Variants in GDPD4 observed in about 807,000 individuals in gnomAD.
GDPD4 encodes the protein glycerophosphodiester phosphodiesterase 6.
GDPD4 carries 60 observed loss-of-function variants against 67.8 expected under a neutral mutation model. The observed-to-expected ratio is 0.88, with a 90% CI of 0.72 to 1.10. GDPD4 has a LOEUF of 1.10. Among genes scored for constraint, GDPD4 ranks in the 50% least tolerant of loss-of-function variants. The probability of loss-of-function intolerance (pLI) is 0.00; values close to 1 mark genes in which losing one functional copy is unlikely to be tolerated. For synonymous variants in GDPD4, 212 were observed against 210.9 expected (o/e 1.00, Z -0.04); for missense variants, 623 against 613.9 (o/e 1.01, Z -0.16).
chr11:77,268,915 C>T lies in GDPD4; in HGVS notation c.624+9G>A, dbSNP rs1959191825. ...TATTTTCACCCATGTTCATCATGCT[C>T]AGACCTACCATGGGTGCACCTCTAT... On this transcript the variant is annotated intron_variant, in intron 9 of 16. Transcript: ENST00000315938. The T allele has an allele frequency of 6.2e-7, 1 of 1,613,448 alleles. No homozygotes were observed. The highest frequency in any genetic ancestry group is 1.3e-5 in the African/African-American group (1 of 75,024).
intron 13 of GDPD4, among the ~76,000 whole-genome samples, chr11:77,235,998 A>C (rs1040116089): frequency 1.6e-4 from 25 of 151,760 alleles, no homozygotes; most frequent in African/African-American, 5.8e-4. Flanking sequence ...CAAATTGAAG[A>C]GATAGAATGA....
At chr11:77,263,141 C>T (rs1959152238) in intron 10 of GDPD4, among the ~76,000 whole-genome samples, 1 of 151,174 alleles carries the variant, frequency 6.6e-6, no homozygotes, top group South Asian at 2.1e-4. Context: ...AATTATTAGA[C>T]AAAAAGGAAA....
At chr11:77,238,584 CAAAAAAAAA>C (rs199508047) in intron 13 of GDPD4, among the ~76,000 whole-genome samples, 1 of 117,994 alleles carries the variant, frequency 8.5e-6, no homozygotes, top group East Asian at 2.6e-4. Flanking sequence ...AACTCCGTCT[CAAAAAAAAA>C]AAAAAAAAAT....
At chr11:77,292,681 CT>C (rs892919773) in intron 1 of GDPD4, among the ~76,000 whole-genome samples, 97 of 152,020 alleles carry the variant, frequency 6.4e-4, no homozygotes, top group African/African-American at 2.2e-3. Flanking sequence ...ACCAACAAAA[CT>C]AATAAATTTC....
At chr11:77,222,462 A>G (rs1481984629) in intron 16 of GDPD4, among the ~76,000 whole-genome samples, 2 of 152,050 alleles carry the variant, frequency 1.3e-5, no homozygotes, top group African/African-American at 4.8e-5. Context: ...AAAGGATGTG[A>G]TTTATTTCTC....
At chr11:77,221,842 TC>T (rs1212558276) in intron 16 of GDPD4, among the ~76,000 whole-genome samples, 4 of 85,914 alleles carry the variant, frequency 4.7e-5, no homozygotes, top group Non-Finnish European at 9.8e-5. Context: ...TGTTAAAGTC[TC>T]CCATTATTAT....
chr11:77,281,895 G>C (rs1476136290), intron 3 of GDPD4, among the ~76,000 whole-genome samples: 1 of 151,946 alleles, frequency 6.6e-6, no homozygotes, highest in Non-Finnish European at 1.5e-5. Context: ...CCTCTTCTAC[G>C]GCACACGTAG....
chr11:77,264,050 C>T (rs1959165915), intron 10 of GDPD4, among the ~76,000 whole-genome samples: 1 of 152,092 alleles, frequency 6.6e-6, no homozygotes, highest in Admixed American at 6.6e-5. Flanking sequence ...CTGCAATCCC[C>T]AGAAAACTTA....
chr11:77,258,305 A>T, intron 11 of GDPD4, 81 bp downstream of exon 11: 3 of 1,329,490 alleles, frequency 2.3e-6, no homozygotes, highest in Non-Finnish European at 2.2e-6. Context: ...ATCTTCATCT[A>T]TGGCCTTTAT....
chr11:77,256,441 G>A (rs1207857428), intron 11 of GDPD4, among the ~76,000 whole-genome samples: 1 of 152,150 alleles, frequency 6.6e-6, no homozygotes, highest in Non-Finnish European at 1.5e-5. Context: ...CTCCTATGAG[G>A]ACAAATATTC....
chr11:77,251,140 A>G (rs941766357), intron 11 of GDPD4, among the ~76,000 whole-genome samples: 5 of 152,146 alleles, frequency 3.3e-5, no homozygotes, highest in Admixed American at 1.3e-4. Flanking sequence ...GTTTACATTC[A>G]AGGTTATTAT....
Position 77,227,252 on chromosome 11 carries a change from T to C in GDPD4, c.1525+612A>G, listed in dbSNP as rs1958359832. ...TAACCATGTCGCTTCCTTGTGTGAA[T>C]GAAAGCGATAATGCCATCTCCTAAC... On this transcript the variant is annotated intron_variant, in intron 16 of 16. Coordinates refer to ENST00000315938, the MANE Select transcript of GDPD4 (RefSeq NM_182833.3). 2.0e-5 allele frequency among the ~76,000 whole-genome samples: 3 copies of C among 152,236 alleles called. No homozygotes were observed. In the South Asian group the frequency reaches 6.2e-4, roughly 31 times the overall value.
chr11:77,279,137 T>C (rs1959632693), intron 4 of GDPD4, among the ~76,000 whole-genome samples, 169 bp downstream of exon 4: 1 of 152,212 alleles, frequency 6.6e-6, no homozygotes, highest in Non-Finnish European at 1.5e-5. Context: ...CCACGTCCTA[T>C]TCCTTGTGCC....
chr11:77,243,931 A>G (rs1591541460), intron 12 of GDPD4, 83 bp from the exon 13 acceptor site: 2 of 877,276 alleles, frequency 2.3e-6, no homozygotes, highest in East Asian at 2.4e-5. Flanking sequence ...AGGGAGCTCC[A>G]TTCCAGCACA....
chr11:77,260,744 A>G (rs533517715), intron 10 of GDPD4, among the ~76,000 whole-genome samples: 2 of 152,182 alleles, frequency 1.3e-5, no homozygotes, highest in South Asian at 4.1e-4. Flanking sequence ...ATTTAGAGAT[A>G]AGATATAATA....
chr11:77,276,094 C>A, intron 5 of GDPD4, 67 bp downstream of exon 5: 1 of 1,106,192 alleles, frequency 9.0e-7, no homozygotes, highest in Non-Finnish European at 1.4e-6. Flanking sequence ...TACCAAGGAG[C>A]ATGTTCAGGC....
intron 11 of GDPD4, among the ~76,000 whole-genome samples, chr11:77,252,054 G>GTTTGTTT (rs1565523210): frequency 3.5e-4 from 15 of 42,340 alleles, no homozygotes; most frequent in South Asian, 1.7e-3. Context: ...TTGTTTGTTT[G>GTTTGTTT]TTTTTTTTTT....
intron 16 of GDPD4, among the ~76,000 whole-genome samples, chr11:77,218,300 G>A (rs1173164088): frequency 2.0e-5 from 3 of 152,058 alleles, no homozygotes; most frequent in Non-Finnish European, 2.9e-5. Flanking sequence ...AGGCTTTTTT[G>A]ATTAAAGTCT....
intron 11 of GDPD4, among the ~76,000 whole-genome samples, chr11:77,251,774 C>T (rs1293585978): frequency 6.6e-6 from 1 of 152,116 alleles, no homozygotes; most frequent in Non-Finnish European, 1.5e-5. Context: ...ACTATTGTTT[C>T]ATTAAATAGT....
Sources: allele counts gnomAD v4.1 joint callset (sites outside exome capture counted in the v4.1 genomes callset), GRCh38; gene constraint gnomAD v4.1.1; transcripts MANE v1.5; gene names NCBI Gene and HGNC (gene_info 2026-07-23, HGNC 2026-07-21).